The following SPTLC3 variants were observed in gnomAD, a reference collection of about 807,000 sequenced individuals.
SPTLC3 encodes serine palmitoyltransferase long chain base subunit 3, also known as serine palmitoyltransferase 3.
A neutral mutation model predicts 59.3 loss-of-function variants in SPTLC3; 36 were observed. That is an observed-to-expected ratio of 0.61 (90% CI 0.47 to 0.80). SPTLC3 has a LOEUF of 0.80. Among genes scored for constraint, SPTLC3 ranks in the 30% least tolerant of loss-of-function variants. The pLI is 0.00. For synonymous variants in SPTLC3, 257 were observed against 240.8 expected, an observed-to-expected ratio of 1.07 and a Z score of -0.62; for missense variants, 625 against 685.1, an observed-to-expected ratio of 0.91 and a Z score of 0.98.
At chr20:13,091,356 C>G (rs7266637) in intron 5 of SPTLC3, 149 bp downstream of exon 5, 12 of 944,242 alleles carry the variant, frequency 1.3e-5, no homozygotes, top group Non-Finnish European at 1.5e-5. Context: ...GGGCGGATCA[C>G]GAGGTCAAGA....
At chr20:13,150,899 A>G (rs184070170) in intron 9 of SPTLC3, among the ~76,000 whole-genome samples, 8 of 152,164 alleles carry the variant, frequency 5.3e-5, no homozygotes, top group Admixed American at 5.2e-4. Context: ...TTGTTCATTC[A>G]TCATTTATTG....
At chr20:13,085,257 C>T (rs899194049) in intron 4 of SPTLC3, among the ~76,000 whole-genome samples, 5 of 152,118 alleles carry the variant, frequency 3.3e-5, no homozygotes, top group Non-Finnish European at 7.4e-5. Flanking sequence ...AAAACAAACT[C>T]ACTCAAAAAG....
intron 4 of SPTLC3, among the ~76,000 whole-genome samples, chr20:13,087,496 G>A (rs1239972857): frequency 6.6e-6 from 1 of 152,146 alleles, no homozygotes; most frequent in African/African-American, 2.4e-5. Context: ...TCACCTTGTT[G>A]CCTAGGCATT....
intron 9 of SPTLC3, among the ~76,000 whole-genome samples, chr20:13,141,518 A>G (rs1401126468): frequency 1.3e-5 from 2 of 152,212 alleles, no homozygotes; most frequent in Non-Finnish European, 1.5e-5. Flanking sequence ...CAGCCAGGAC[A>G]TGGTGTTTGC....
At position 13,091,164 on chromosome 20, in the gene SPTLC3, G is replaced by A. The variant is rs1568597415; in HGVS notation, c.689G>A (p.Gly230Glu). Residue 230 changes from glycine (G) to glutamate (E), a missense_variant, in exon 5 of 12, where the codon GGA becomes GAA. By Grantham distance (98) the Gly-to-Glu change is moderately conservative. Transcript: ENST00000399002. ...GAAGCAGCTATGGTCTTTGGGATGG[G>A]ATTCGCAACTAACTCAATGAATATC... ...NVEAAMVFGM[G>E]FATNSMNIPA... The A allele has an allele frequency of 6.2e-7, 1 of 1,613,984 alleles. No homozygotes were observed. The highest frequency in any genetic ancestry group is 8.5e-7 in the Non-Finnish European group (1 of 1,179,890).
chr20:13,021,499 A>G, intron 1 of SPTLC3, among the ~76,000 whole-genome samples: 1 of 151,776 alleles, frequency 6.6e-6, no homozygotes, highest in East Asian at 1.9e-4. Context: ...CCTACATTCC[A>G]CATCTGCTAC....
chr20:13,131,885 T>C (rs1193369337), intron 9 of SPTLC3, among the ~76,000 whole-genome samples: 1 of 152,156 alleles, frequency 6.6e-6, no homozygotes, highest in Non-Finnish European at 1.5e-5. Flanking sequence ...GACTGTGGTC[T>C]TCACAGCTTC....
intron 9 of SPTLC3, among the ~76,000 whole-genome samples, chr20:13,137,630 G>T (rs112265487): frequency 6.6e-6 from 1 of 152,122 alleles, no homozygotes; most frequent in African/African-American, 2.4e-5. Flanking sequence ...TGGTTTCTAT[G>T]CCCTGGGAAA....
chr20:13,146,716 A>G (rs2038518518), intron 9 of SPTLC3, among the ~76,000 whole-genome samples: 1 of 152,008 alleles, frequency 6.6e-6, no homozygotes, highest in Non-Finnish European at 1.5e-5. Context: ...AGTGTCAGAA[A>G]TTTTTCATCT....
At position 13,009,220 on chromosome 20, in the gene SPTLC3, A is replaced by G. The variant is rs761493799; in HGVS notation, c.-48A>G. ...TCGCAGACTGAAAACTAAAGCCTGCAGAGACCTCTGAAGGAAAACCTGTCC... is the reference window on the plus strand; with the variant it reads ...TCGCAGACTGAAAACTAAAGCCTGCGGAGACCTCTGAAGGAAAACCTGTCC... On this transcript the variant is annotated 5_prime_UTR_variant, in exon 1 of 12. Transcript: ENST00000399002. The G allele has an allele frequency of 6.6e-7, 1 of 1,515,580 alleles. No homozygotes were observed. The highest frequency in any genetic ancestry group is 1.4e-5 in the African/African-American group (1 of 72,992). 93.9% of individuals were successfully genotyped at this position (1,515,580 alleles called of 1,614,324 possible). A position where few individuals can be genotyped will look rare whatever the true frequency, so the allele number is the denominator to read the frequency against.
chr20:13,020,485 T>C (rs899539122), intron 1 of SPTLC3, among the ~76,000 whole-genome samples: 1 of 152,118 alleles, frequency 6.6e-6, no homozygotes, highest in African/African-American at 2.4e-5. Flanking sequence ...CTGTGATTGC[T>C]CCACTGCACT....
chr20:13,090,432 A>T lies in SPTLC3; in HGVS notation c.608-651A>T, dbSNP rs1312530314. Among the ~76,000 whole-genome samples the T allele has an allele frequency of 2.0e-5, 3 of 152,146 alleles. No homozygotes were observed. The East Asian group carries it at 5.8e-4, about 29-fold the overall frequency. ...TATTGGTATCTATGGAAATCATGGGATCTGTTTTGCATTTAGGTGTGGGAA... is the reference window on the plus strand; with the variant it reads ...TATTGGTATCTATGGAAATCATGGGTTCTGTTTTGCATTTAGGTGTGGGAA... On this transcript the variant is annotated intron_variant, in intron 4 of 11. Transcript: ENST00000399002.
intron 4 of SPTLC3, among the ~76,000 whole-genome samples, chr20:13,083,657 C>T (rs1265390623): frequency 6.6e-6 from 1 of 152,160 alleles, no homozygotes; most frequent in Non-Finnish European, 1.5e-5. Flanking sequence ...ATCACAAACT[C>T]GAGAGTGCAA....
At chr20:13,039,160 G>T (rs1358584784) in intron 1 of SPTLC3, among the ~76,000 whole-genome samples, 1 of 151,938 alleles carries the variant, frequency 6.6e-6, no homozygotes, top group Non-Finnish European at 1.5e-5. Context: ...TATTGTTCAA[G>T]TCTTCTATTT....
chr20:13,011,288 C>T (rs762881159), intron 1 of SPTLC3, among the ~76,000 whole-genome samples: 1 of 152,092 alleles, frequency 6.6e-6, no homozygotes, highest in Non-Finnish European at 1.5e-5. Flanking sequence ...TAGGCCTAGA[C>T]CAAAAGCCTT....
At chr20:13,126,768 T>C (rs2038003736) in intron 9 of SPTLC3, 51 bp downstream of exon 9, 3 of 1,601,278 alleles carry the variant, frequency 1.9e-6, no homozygotes, top group African/African-American at 1.3e-5. Flanking sequence ...GTCTCCCTTC[T>C]GCCTCATTAA....
intron 2 of SPTLC3, among the ~76,000 whole-genome samples, chr20:13,063,254 T>C (rs1988042100): frequency 6.6e-6 from 1 of 152,230 alleles, no homozygotes; most frequent in African/African-American, 2.4e-5. Context: ...TATCCTTTGC[T>C]CATAATTTTA....
intron 6 of SPTLC3, among the ~76,000 whole-genome samples, chr20:13,101,693 TA>T (rs1989606212): frequency 6.6e-6 from 1 of 152,120 alleles, no homozygotes; most frequent in African/African-American, 2.4e-5. Context: ...ATAATGAAAT[TA>T]TTTTTCCCCA....
intron 7 of SPTLC3, among the ~76,000 whole-genome samples, chr20:13,113,784 T>C (rs957540854): frequency 1.3e-5 from 2 of 152,214 alleles, no homozygotes; most frequent in Non-Finnish European, 2.9e-5. Flanking sequence ...CACATTGATT[T>C]TCAGTCTAAG....
Sources: allele counts gnomAD v4.1 joint callset (sites outside exome capture counted in the v4.1 genomes callset), GRCh38; gene constraint gnomAD v4.1.1; transcripts MANE v1.5; gene names NCBI Gene and HGNC (gene_info 2026-07-23, HGNC 2026-07-21).